Variants in UBE2D2 observed in about 807,000 individuals in gnomAD.
UBE2D2 encodes ubiquitin conjugating enzyme E2 D2, also known as ubiquitin-conjugating enzyme E2 D2.
Under a neutral mutation model 24.2 loss-of-function variants are expected in UBE2D2, and 2 were observed. That is an observed-to-expected ratio of 0.08 (90% CI 0.03 to 0.26). The LOEUF (loss-of-function observed/expected upper bound fraction) is 0.26. UBE2D2 is among the 10% of genes least tolerant of loss of function. The probability of loss-of-function intolerance (pLI) is 1.00; values close to 1 mark genes in which losing one functional copy is unlikely to be tolerated. For missense variants in UBE2D2, 44 were observed against 177.6 expected (o/e 0.25, Z 4.28); for synonymous variants, 58 against 56.5 (o/e 1.03, Z -0.12).
At chr5:139,589,236 G>A (rs778748783) in intron 1 of UBE2D2, among the ~76,000 whole-genome samples, 2 of 151,904 alleles carry the variant, frequency 1.3e-5, no homozygotes, top group South Asian at 4.2e-4. Flanking sequence ...TCCTGCCTGG[G>A]TGACAGAGCA....
intron 1 of UBE2D2, among the ~76,000 whole-genome samples, chr5:139,548,555 G>A (rs1291808966): frequency 2.0e-5 from 3 of 152,084 alleles, no homozygotes; most frequent in Non-Finnish European, 4.4e-5. Context: ...TCCCTCATGG[G>A]CAAAAGGTTG....
intron 1 of UBE2D2, among the ~76,000 whole-genome samples, chr5:139,580,045 CA>C (rs199662706): frequency 3.9e-3 from 451 of 116,782 alleles, no homozygotes; most frequent in Middle Eastern, 0.013. Context: ...GACTCCCTCT[CA>C]AAAAAAAAAA....
intron 6 of UBE2D2, among the ~76,000 whole-genome samples, chr5:139,624,509 C>T (rs529615574): frequency 6.6e-5 from 10 of 152,272 alleles, no homozygotes; most frequent in African/African-American, 1.9e-4. Context: ...CTTTTAGGGC[C>T]GGGCGCAGTG....
chr5:139,556,831 C>CT (rs574349737), upstream of UBE2D2, among the ~76,000 whole-genome samples: 131 of 151,366 alleles, frequency 8.7e-4, no homozygotes, highest in Admixed American at 2.4e-3. Context: ...TGAATAGTTC[C>CT]ATACTTTTTT....
chr5:139,608,219 C>T (rs923989520), intron 2 of UBE2D2, among the ~76,000 whole-genome samples: 2 of 151,826 alleles, frequency 1.3e-5, no homozygotes, highest in African/African-American at 4.8e-5. Flanking sequence ...ATTGCCTGAG[C>T]TCAGGAGTTT....
At chr5:139,528,681 T>C (rs1752566496) in intron 1 of UBE2D2, among the ~76,000 whole-genome samples, 1 of 152,194 alleles carries the variant, frequency 6.6e-6, no homozygotes, top group Admixed American at 6.6e-5. Context: ...CTAGACTAAC[T>C]AGATACCAAA....
chr5:139,559,952 T>TC (rs1753038549), upstream of UBE2D2, among the ~76,000 whole-genome samples: 1 of 151,728 alleles, frequency 6.6e-6, no homozygotes, highest in Non-Finnish European at 1.5e-5. Context: ...GCTTTTTGTC[T>TC]CCATCTCCTA....
chr5:139,562,455 C>T (rs776494530), intron 1 of UBE2D2: 2 of 1,283,988 alleles, frequency 1.6e-6, no homozygotes, highest in Admixed American at 2.4e-5. Context: ...CATTTTATTC[C>T]TTGAGGTTGC....
chr5:139,575,411 C>CT (rs1319001393), intron 1 of UBE2D2, among the ~76,000 whole-genome samples: 1 of 152,030 alleles, frequency 6.6e-6, no homozygotes, highest in Admixed American at 6.6e-5. Context: ...ATATGTTTCA[C>CT]TTTTACTTCA....
At chr5:139,602,323 A>G (rs1468302851) in intron 2 of UBE2D2, among the ~76,000 whole-genome samples, 2 of 152,232 alleles carry the variant, frequency 1.3e-5, no homozygotes, top group Non-Finnish European at 2.9e-5. Flanking sequence ...AAGTTCTGGA[A>G]TTACAGGCGT....
rs1214622913 is a variant in UBE2D2, at chr5:139,561,435, G to A, written c.-357G>A. ...GCAATCCCTCCGGCTGTCCGACCAAGAGAGGCCGGCCGAGCCCGAGGCTTG... is the reference window on the plus strand; with the variant it reads ...GCAATCCCTCCGGCTGTCCGACCAAAAGAGGCCGGCCGAGCCCGAGGCTTG... On this transcript the variant is annotated 5_prime_UTR_variant, in exon 1 of 7. Transcript: ENST00000398733. 1.2e-5 allele frequency: 3 copies of A among 257,022 alleles called. No individual in the cohort carries two copies. The highest frequency in any genetic ancestry group is 1.5e-5 in the Non-Finnish European group (2 of 135,044). The allele number at this position is 257,022 out of a possible 1,614,324, so 15.9% of individuals were successfully genotyped here. A position where few individuals can be genotyped will look rare whatever the true frequency, so the allele number is the denominator to read the frequency against.
In UBE2D2 at chr5:139,623,429, G is replaced by A; in HGVS notation, c.366G>A (p.Glu122=). 1 of 1,604,564 alleles carries A rather than the reference G, an allele frequency of 6.2e-7. No individual in the cohort carries two copies. The highest frequency in any genetic ancestry group is 8.5e-7 in the Non-Finnish European group (1 of 1,172,710). The change falls in exon 6 of 7, where the codon GAG becomes GAA. Residue 122 remains glutamate, a synonymous_variant. Transcript: ENST00000398733. The part of the protein sequence containing the change: ...DPNPDDPLVP[E]IARIYKTDRE... ...ATCCAGATGATCCTTTAGTGCCTGA[G>A]ATTGCTCGGATCTACAAAACAGATA... is the stretch of plus-strand genomic sequence containing the variant.
chr5:139,527,912 A>G (rs1752559300), intron 1 of UBE2D2, among the ~76,000 whole-genome samples: 1 of 152,262 alleles, frequency 6.6e-6, no homozygotes, highest in African/African-American at 2.4e-5. Flanking sequence ...ATGGCAGGCC[A>G]GAGGCCCTGA....
At chr5:139,602,042 A>ATT (rs1203597160) in intron 2 of UBE2D2, among the ~76,000 whole-genome samples, 4 of 151,972 alleles carry the variant, frequency 2.6e-5, no homozygotes, top group Admixed American at 2.6e-4. Flanking sequence ...TATGTTTAAT[A>ATT]TTTTTTTGTT....
intron 1 of UBE2D2, among the ~76,000 whole-genome samples, chr5:139,551,853 T>G (rs548248555): frequency 6.6e-6 from 1 of 152,190 alleles, no homozygotes; most frequent in Non-Finnish European, 1.5e-5. Flanking sequence ...CTAATAAACA[T>G]AAAGTGTTAC....
intron 1 of UBE2D2, among the ~76,000 whole-genome samples, chr5:139,591,570 A>G (rs1450653146): frequency 6.6e-6 from 1 of 152,192 alleles, no homozygotes; most frequent in Non-Finnish European, 1.5e-5. Flanking sequence ...GTCTGTCTTT[A>G]TACTAGAAGG....
At chr5:139,609,685 A>T (rs1489277919) in intron 2 of UBE2D2, among the ~76,000 whole-genome samples, 20 of 141,104 alleles carry the variant, frequency 1.4e-4, no homozygotes, top group Admixed American at 3.6e-4. Flanking sequence ...ATCTCTATTT[A>T]AAAAAAAAAA....
chr5:139,562,553 T>C, intron 1 of UBE2D2: 2 of 892,648 alleles, frequency 2.2e-6, no homozygotes, highest in Non-Finnish European at 3.0e-6. Flanking sequence ...GGTAGAAACC[T>C]GAACATTGAA....
intron 1 of UBE2D2, among the ~76,000 whole-genome samples, chr5:139,572,586 ATCTG>A (rs1394455640): frequency 6.6e-6 from 1 of 151,752 alleles, no homozygotes; most frequent in Non-Finnish European, 1.5e-5. Flanking sequence ...ACAGAGCGAG[ATCTG>A]TCTCTTAAAA....
Sources: allele counts gnomAD v4.1 joint callset (sites outside exome capture counted in the v4.1 genomes callset), GRCh38; gene constraint gnomAD v4.1.1; transcripts MANE v1.5; gene names NCBI Gene and HGNC (gene_info 2026-07-23, HGNC 2026-07-21).